ANKS1B: variants seen among roughly 807,000 people sequenced by gnomAD.
The protein encoded by ANKS1B is ankyrin repeat and sterile alpha motif domain-containing protein 1B.
A neutral mutation model predicts 148.3 loss-of-function variants in ANKS1B; 36 were observed. The observed-to-expected ratio is 0.24, with a 90% CI of 0.19 to 0.32. The LOEUF (loss-of-function observed/expected upper bound fraction) is 0.32, where lower values mean the gene tolerates loss of function less well. Among genes scored for constraint, ANKS1B ranks in the 10% least tolerant of loss-of-function variants. The pLI, the probability that ANKS1B is intolerant of heterozygous loss-of-function variation, is 1.00. For missense variants in ANKS1B, 1,157 were observed against 1,542.6 expected, an observed-to-expected ratio of 0.75 and a Z score of 4.19; for synonymous variants, 542 against 560.8, an observed-to-expected ratio of 0.97 and a Z score of 0.47.
chr12:99,315,097 G>C (rs1050792069), intron 12 of ANKS1B, among the ~76,000 whole-genome samples: 1 of 151,994 alleles, frequency 6.6e-6, no homozygotes, highest in Non-Finnish European at 1.5e-5. Flanking sequence ...ACAAAAATTA[G>C]CTGGGCGTGG....
chr12:98,879,706 C>T (rs951371989), intron 17 of ANKS1B, among the ~76,000 whole-genome samples: 5 of 152,012 alleles, frequency 3.3e-5, no homozygotes, highest in Non-Finnish European at 5.9e-5. Context: ...AGACAAAGTG[C>T]CACAAAGATA....
intron 12 of ANKS1B, among the ~76,000 whole-genome samples, chr12:99,300,857 T>G (rs556487636): frequency 6.6e-6 from 1 of 152,260 alleles, no homozygotes; most frequent in Non-Finnish European, 1.5e-5. Flanking sequence ...AAAAGTGCTA[T>G]TTGGTGACTA....
At chr12:98,884,377 T>C (rs1343234833) in intron 17 of ANKS1B, among the ~76,000 whole-genome samples, 1 of 152,378 alleles carries the variant, frequency 6.6e-6, no homozygotes, top group Non-Finnish European at 1.5e-5. Context: ...AAGAAAAGTT[T>C]ACTCTGAGCC....
intron 9 of ANKS1B, among the ~76,000 whole-genome samples, chr12:99,652,568 A>C (rs2098427186): frequency 6.6e-6 from 1 of 152,118 alleles, no homozygotes; most frequent in African/African-American, 2.4e-5. Flanking sequence ...AACACCCAAA[A>C]CCTGTATCTC....
Position 99,669,346 on chromosome 12 carries a change from T to C in ANKS1B, c.1129-14136A>G, listed in dbSNP as rs548443012. On this transcript the variant is annotated intron_variant, in intron 8 of 26. Transcript: ENST00000683438. ...CCACCACACTTGGCTCTGAGTGTAG[T>C]TGTATTTCTTTAAAAATTACTGGAC... Among the ~76,000 whole-genome samples the C allele has an allele frequency of 7.2e-5, 11 of 152,282 alleles. No individual in the cohort carries two copies. In the South Asian group the frequency reaches 1.9e-3, roughly 26 times the overall value.
At chr12:98,766,931 G>A (rs1309408718) in intron 25 of ANKS1B, among the ~76,000 whole-genome samples, 4 of 151,644 alleles carry the variant, frequency 2.6e-5, no homozygotes, top group Admixed American at 1.3e-4. Context: ...TCAGCCTCCC[G>A]AGTAGCTGGC....
At chr12:99,941,635 G>A (rs2094921846) in intron 1 of ANKS1B, among the ~76,000 whole-genome samples, 1 of 152,120 alleles carries the variant, frequency 6.6e-6, no homozygotes, top group African/African-American at 2.4e-5. Context: ...TCAGAGTTGA[G>A]AGTCAATCTG....
intron 17 of ANKS1B, among the ~76,000 whole-genome samples, chr12:98,844,589 G>A (rs1482080628): frequency 2.0e-5 from 3 of 152,170 alleles, no homozygotes; most frequent in African/African-American, 7.2e-5. Context: ...TAGATATAGT[G>A]TCTTTGATTC....
intron 9 of ANKS1B, among the ~76,000 whole-genome samples, chr12:99,640,436 A>G (rs372738229): frequency 6.6e-6 from 1 of 152,010 alleles, no homozygotes; most frequent in South Asian, 2.1e-4. Context: ...TTAGACCATG[A>G]GGACTTTGCC....
chr12:98,743,439 AC>A (rs369662384), downstream of ANKS1B, among the ~76,000 whole-genome samples: 12 of 151,744 alleles, frequency 7.9e-5, no homozygotes, highest in East Asian at 7.8e-4. Context: ...GCATTCAATG[AC>A]CCCCCCTGCC....
At chr12:99,307,919 TC>T (rs2082576888) in intron 12 of ANKS1B, among the ~76,000 whole-genome samples, 1 of 152,058 alleles carries the variant, frequency 6.6e-6, no homozygotes, top group South Asian at 2.1e-4. Flanking sequence ...AATCCATGTC[TC>T]CCAATCACTG....
intron 15 of ANKS1B, 101 bp downstream of exon 15, chr12:99,154,188 G>T: frequency 2.1e-6 from 3 of 1,432,880 alleles, no homozygotes; most frequent in South Asian, 2.7e-5. Flanking sequence ...ATATAAATCT[G>T]ACCAGTTTTG....
At chr12:99,371,992 G>T (rs1163871040) in intron 12 of ANKS1B, among the ~76,000 whole-genome samples, 2 of 152,066 alleles carry the variant, frequency 1.3e-5, no homozygotes, top group Non-Finnish European at 2.9e-5. Context: ...GGGATGACTA[G>T]GCAAAGCATA....
At chr12:99,774,388 A>G (rs932130771) in intron 7 of ANKS1B, among the ~76,000 whole-genome samples, 9 of 152,128 alleles carry the variant, frequency 5.9e-5, no homozygotes, top group African/African-American at 2.2e-4. Flanking sequence ...AAGGTGCTCA[A>G]TATCACTAAT....
chr12:99,017,570 G>A (rs1215572500), intron 17 of ANKS1B, among the ~76,000 whole-genome samples: 6 of 152,040 alleles, frequency 3.9e-5, no homozygotes, highest in African/African-American at 1.2e-4. Context: ...TCACCCAGAG[G>A]TAGACTCAGC....
In ANKS1B at chr12:99,168,795, T is replaced by G. The variant is rs1468883465; in HGVS notation, c.2420-14400A>C. Among the ~76,000 whole-genome samples the G allele has an allele frequency of 3.3e-5, 5 of 152,274 alleles. No homozygotes were observed. The East Asian group carries it at 9.7e-4, about 29-fold the overall frequency. ...GGGGTGAAACTCAGTGGTACCTCAA[T>G]TTTGGCATGTTCTTAATATCAGTCT... On this transcript the variant is annotated intron_variant, in intron 14 of 26. Transcript: ENST00000683438.
rs73379538 is a variant in ANKS1B at position 99,505,127 on chromosome 12, T to A, written c.1273-486A>T. On this transcript the variant is annotated intron_variant, in intron 9 of 26. Transcript: ENST00000683438. Reference sequence around the variant, plus strand: ...TTCAGAGCCAAGGCCATCCCCAGGCTCCTCTCTTTGGATGCAGTTTTGATA... The same window carrying A: ...TTCAGAGCCAAGGCCATCCCCAGGCACCTCTCTTTGGATGCAGTTTTGATA... Among the ~76,000 whole-genome samples, 1,377 of 152,188 alleles carry A rather than the reference T, an allele frequency of 9.0e-3. 20 individuals are homozygous for A. The highest frequency in any genetic ancestry group is 0.032 in the African/African-American group (1,321 of 41,512).
intron 9 of ANKS1B, among the ~76,000 whole-genome samples, chr12:99,539,405 CTG>C (rs1340020232): frequency 1.2e-4 from 19 of 152,050 alleles, no homozygotes; most frequent in African/African-American, 4.6e-4. Flanking sequence ...TTGAAACAAA[CTG>C]TTGATATTAA....
At chr12:99,772,788 G>A in intron 8 of ANKS1B, 134 bp downstream of exon 8, 1 of 934,468 alleles carries the variant, frequency 1.1e-6, no homozygotes, top group Non-Finnish European at 1.5e-6. Flanking sequence ...AGAACGTCAG[G>A]AAAAGAGCAA....
Sources: gnomAD v4.1 joint callset for allele counts (sites outside exome capture counted in the v4.1 genomes callset) on GRCh38, gnomAD v4.1.1 for gene constraint, MANE v1.5 for transcripts, NCBI Gene and HGNC (gene_info 2026-07-23, HGNC 2026-07-21) for gene names.